The following DNAJC1 variants were observed in gnomAD, a reference collection of about 807,000 sequenced individuals.
DNAJC1 encodes the protein DnaJ heat shock protein family (Hsp40) member C1.
A neutral mutation model predicts 76.6 loss-of-function variants in DNAJC1; 58 were observed. That is an observed-to-expected ratio of 0.76 (90% CI 0.61 to 0.94). DNAJC1 has a LOEUF of 0.94. Among genes scored for constraint, DNAJC1 ranks in the 40% least tolerant of loss-of-function variants. DNAJC1 has a pLI of 0.00. For synonymous variants in DNAJC1, 258 were observed against 267.9 expected (o/e 0.96, Z 0.36); for missense variants, 689 against 677.3 (o/e 1.02, Z -0.19).
chr10:21,919,832 CTTTCA>C lies in DNAJC1; in HGVS notation c.630_634del (p.Asn210LysfsTer10), dbSNP rs756753752. 6.3e-6 allele frequency: 10 copies of C among 1,598,490 alleles called. No individual in the cohort carries two copies. The highest frequency in any genetic ancestry group is 2.3e-5 in the South Asian group (2 of 88,440). On this transcript the variant is annotated frameshift_variant and splice_region_variant, in exon 5 of 12. Transcript: ENST00000376980. LOFTEE classifies it high-confidence loss of function. ...ATAAAGTATTTTTATATGCTCTCAC[CTTTCA>C]TTTTTTTCTGAAGCACCGAGTTTTG... is the stretch of plus-strand genomic sequence containing the variant.
chr10:21,813,024 C>T (rs1374779418), intron 8 of DNAJC1, among the ~76,000 whole-genome samples: 2 of 78,978 alleles, frequency 2.5e-5, no homozygotes, highest in African/African-American at 1.1e-4. Flanking sequence ...TATACACACA[C>T]ATACACACAC....
chr10:21,891,202 A>C (rs60893703), intron 7 of DNAJC1, among the ~76,000 whole-genome samples: 2,621 of 152,202 alleles, frequency 0.017, 186 homozygotes, highest in East Asian at 0.15. Context: ...AAAAATAAAT[A>C]AATAAAAAAT....
At chr10:21,833,523 G>T (rs922242715) in intron 8 of DNAJC1, among the ~76,000 whole-genome samples, 2 of 152,108 alleles carry the variant, frequency 1.3e-5, no homozygotes, top group African/African-American at 4.8e-5. Context: ...TCTGAAACCA[G>T]TGAAGTGGGT....
intron 3 of DNAJC1, among the ~76,000 whole-genome samples, chr10:21,923,679 C>G (rs745824922): frequency 6.6e-6 from 1 of 151,810 alleles, no homozygotes; most frequent in Non-Finnish European, 1.5e-5. Flanking sequence ...TTCCACATAT[C>G]CAACATATGG....
chr10:21,830,745 C>G (rs565380407), intron 8 of DNAJC1, among the ~76,000 whole-genome samples: 3 of 152,248 alleles, frequency 2.0e-5, no homozygotes, highest in Non-Finnish European at 4.4e-5. Flanking sequence ...CCTATATTTT[C>G]CATCCTTATC....
rs1462948092 is a variant in DNAJC1, at chr10:21,912,765, C to G, written c.729+6014G>C. On this transcript the variant is annotated intron_variant, in intron 6 of 11. Coordinates refer to ENST00000376980, the MANE Select transcript of DNAJC1 (RefSeq NM_022365.4). ...CATAGCCTTTTAGAAGCTTTTTTTC[C>G]TGCTAATTAGCTGTGAATGTTCTGT... is the stretch of plus-strand genomic sequence containing the variant. Among the ~76,000 whole-genome samples the G allele has an allele frequency of 3.3e-5, 5 of 152,008 alleles. No individual in the cohort carries two copies. The South Asian group carries it at 1.0e-3, about 32-fold the overall frequency.
Position 22,003,618 on chromosome 10 carries a change from ACGGGCGGGTGGGTAGG to A in DNAJC1, c.-200_-185del, listed in dbSNP as rs1838565926. On this transcript the variant is annotated 5_prime_UTR_variant, in exon 1 of 12. Coordinates refer to ENST00000376980, the MANE Select transcript of DNAJC1 (RefSeq NM_022365.4). ...GGAGGCGGCGGGAGCCGGCTGCCGG[ACGGGCGGGTGGGTAGG>A]CGGGCGGGGCCGCAGCCAGCGCTAC... 1.6e-6 allele frequency: 1 copy of A among 635,620 alleles called. No homozygotes were observed. The highest frequency in any genetic ancestry group is 3.7e-5 in the East Asian group (1 of 26,700). The allele number at this position is 635,620 out of a possible 1,614,324, so 39.4% of individuals were successfully genotyped here. A position where few individuals can be genotyped will look rare whatever the true frequency, so the allele number is the denominator to read the frequency against.
At chr10:21,962,459 CTTTTTTTTTTTT>C (rs34817098) in intron 1 of DNAJC1, among the ~76,000 whole-genome samples, 1 of 39,906 alleles carries the variant, frequency 2.5e-5, no homozygotes, top group African/African-American at 1.3e-4. Flanking sequence ...TATTTTATTG[CTTTTTTTTTTTT>C]TTTTTTTTTT....
intron 8 of DNAJC1, among the ~76,000 whole-genome samples, chr10:21,818,395 G>A (rs927224802): frequency 1.3e-5 from 2 of 152,192 alleles, no homozygotes; most frequent in Non-Finnish European, 2.9e-5. Context: ...AAAGCATGCC[G>A]AAACTTCATT....
intron 9 of DNAJC1, among the ~76,000 whole-genome samples, chr10:21,779,041 CT>C (rs1834490824): frequency 1.3e-5 from 2 of 152,196 alleles, no homozygotes; most frequent in Admixed American, 1.3e-4. Context: ...GGCAGCGAGG[CT>C]GGGGGAGGGG....
chr10:21,854,431 A>T (rs1835801523), intron 8 of DNAJC1, among the ~76,000 whole-genome samples: 1 of 151,750 alleles, frequency 6.6e-6, no homozygotes, highest in Admixed American at 6.6e-5. Context: ...TTTGGAAAGC[A>T]TTTAATACAC....
chr10:21,818,611 T>C (rs901915040), intron 8 of DNAJC1, among the ~76,000 whole-genome samples: 1 of 152,144 alleles, frequency 6.6e-6, no homozygotes, highest in Non-Finnish European at 1.5e-5. Flanking sequence ...ACATGTGATG[T>C]CTCCCCTGGA....
intron 8 of DNAJC1, among the ~76,000 whole-genome samples, chr10:21,852,751 T>C (rs1332669024): frequency 6.6e-6 from 1 of 151,614 alleles, no homozygotes; most frequent in East Asian, 1.9e-4. Context: ...ACTAACGAAG[T>C]ACCCACTTTT....
intron 1 of DNAJC1, among the ~76,000 whole-genome samples, chr10:21,979,614 T>C (rs1838120074): frequency 2.0e-5 from 3 of 152,008 alleles, no homozygotes; most frequent in Admixed American, 1.3e-4. Context: ...TGGGAATACA[T>C]GTACTTGGAT....
At chr10:21,940,069 A>G (rs1330934268) in intron 1 of DNAJC1, among the ~76,000 whole-genome samples, 37 of 152,102 alleles carry the variant, frequency 2.4e-4, no homozygotes, top group Admixed American at 2.4e-3. Flanking sequence ...TGAGTGGATC[A>G]GGAGGATAAG....
intron 1 of DNAJC1, among the ~76,000 whole-genome samples, chr10:21,987,468 C>T (rs978711811): frequency 5.9e-5 from 9 of 152,186 alleles, no homozygotes; most frequent in Non-Finnish European, 1.0e-4. Flanking sequence ...AAACTGTGGT[C>T]TCATCCTCAA....
chr10:21,898,553 T>A (rs1428972208), intron 7 of DNAJC1, among the ~76,000 whole-genome samples: 12 of 144,594 alleles, frequency 8.3e-5, no homozygotes, highest in Admixed American at 8.2e-4. Flanking sequence ...ATACTATACT[T>A]TTTTTTTTTT....
At position 21,881,168 on chromosome 10, in the gene DNAJC1, G is replaced by A. The variant is rs902864499; in HGVS notation, c.978+1114C>T. On this transcript the variant is annotated intron_variant, in intron 8 of 11. Coordinates refer to ENST00000376980, the MANE Select transcript of DNAJC1 (RefSeq NM_022365.4). ...TTAGAATGAAGAGAGAGAGGGCATT[G>A]CTCTGGATTAGGCTTTGGCTCAAGA... Among the ~76,000 whole-genome samples the A allele has an allele frequency of 2.6e-5, 4 of 152,320 alleles. No homozygotes were observed. The East Asian group carries it at 7.7e-4, about 29-fold the overall frequency.
At chr10:21,869,999 TAAGAA>T (rs1836075853) in intron 8 of DNAJC1, among the ~76,000 whole-genome samples, 2 of 151,804 alleles carry the variant, frequency 1.3e-5, no homozygotes, top group East Asian at 1.9e-4. Flanking sequence ...ACCTGACAAA[TAAGAA>T]AAGAAAATCA....
Sources: gnomAD v4.1 joint callset for allele counts (sites outside exome capture counted in the v4.1 genomes callset) on GRCh38, gnomAD v4.1.1 for gene constraint, MANE v1.5 for transcripts, NCBI Gene and HGNC (gene_info 2026-07-23, HGNC 2026-07-21) for gene names.